CRADD: variants seen among roughly 807,000 people sequenced by gnomAD.
CRADD encodes CARD and death domain containing adaptor protein.
In CRADD, 9 loss-of-function variants were observed where a neutral mutation model predicts 15.5. The ratio of observed to expected loss-of-function variants is 0.58; its 90% CI spans 0.35 to 1.01. The LOEUF is 1.01. Ranked by LOEUF, CRADD falls within the 50% of genes least tolerant of loss-of-function variation. The pLI is 0.02. For synonymous variants in CRADD, 118 were observed against 107.6 expected (o/e 1.10, Z -0.60); for missense variants, 227 against 250.3 (o/e 0.91, Z 0.63).
chr12:93,725,825 G>A (rs939160434), intron 2 of CRADD, among the ~76,000 whole-genome samples: 3 of 152,096 alleles, frequency 2.0e-5, no homozygotes, highest in African/African-American at 7.2e-5. Context: ...TTCATTGTTG[G>A]GGTTTATATA....
chr12:93,834,491 GT>G (rs1463365710), intron 2 of CRADD, among the ~76,000 whole-genome samples: 1 of 151,928 alleles, frequency 6.6e-6, no homozygotes, highest in South Asian at 2.1e-4. Flanking sequence ...AATTAGTTTG[GT>G]TTTTTTCTTT....
intron 2 of CRADD, among the ~76,000 whole-genome samples, chr12:93,787,128 A>ATTTT (rs11315592): frequency 9.3e-6 from 1 of 107,734 alleles, no homozygotes; most frequent in Non-Finnish European, 1.8e-5. Context: ...TCTGCTGAAG[A>ATTTT]TTTTTTTTTT....
rs546007667 is a variant in CRADD at position 93,726,925 on chromosome 12, C to T, written c.298+47853C>T. 3.3e-5 allele frequency among the ~76,000 whole-genome samples: 5 copies of T among 152,306 alleles called. No individual in the cohort carries two copies. In the South Asian group the frequency reaches 6.2e-4, roughly 19 times the overall value. On this transcript the variant is annotated intron_variant, in intron 2 of 2. Coordinates refer to ENST00000332896, the MANE Select transcript of CRADD (RefSeq NM_003805.5). ...CCGTCTCAGTTTCACGATAACAAGA[C>T]GAAGCAGGAACCTTGAAATTGCTCC...
intron 2 of CRADD, among the ~76,000 whole-genome samples, chr12:93,822,040 C>T (rs548388603): frequency 1.1e-3 from 166 of 151,748 alleles, no homozygotes; most frequent in African/African-American, 3.9e-3. Context: ...ATTGCTTGAG[C>T]CTGGGAGGCA....
At chr12:93,789,346 G>A (rs979183538) in intron 2 of CRADD, among the ~76,000 whole-genome samples, 1 of 152,148 alleles carries the variant, frequency 6.6e-6, no homozygotes, top group Non-Finnish European at 1.5e-5. Flanking sequence ...TGTGCATGCA[G>A]CCTTGACATA....
At chr12:93,730,165 A>G (rs577301497) in intron 2 of CRADD, among the ~76,000 whole-genome samples, 16 of 152,360 alleles carry the variant, frequency 1.1e-4, no homozygotes, top group African/African-American at 3.8e-4. Flanking sequence ...ACATTGTGCA[A>G]TGAGGACAGT....
At chr12:93,834,538 G>C (rs1957952835) in intron 2 of CRADD, among the ~76,000 whole-genome samples, 1 of 152,088 alleles carries the variant, frequency 6.6e-6, no homozygotes, top group African/African-American at 2.4e-5. Context: ...ACCCAGGCTG[G>C]ACTGCAGTGG....
chr12:93,688,445 A>G (rs34906549), intron 2 of CRADD, among the ~76,000 whole-genome samples: 38,678 of 151,216 alleles, frequency 0.26, 5,388 homozygotes, highest in East Asian at 0.41. Context: ...AGAGGTTGCA[A>G]TGAGTCGAGA....
chr12:93,894,293 G>A (rs1958597501), exon 3 of CRADD: 1 of 604,914 alleles, frequency 1.7e-6, no homozygotes, highest in Non-Finnish European at 3.0e-6. Flanking sequence ...AGGGGATTAT[G>A]TTGGCATCTA....
At chr12:93,863,437 T>G (rs747020283) in intron 2 of CRADD, among the ~76,000 whole-genome samples, 3 of 152,196 alleles carry the variant, frequency 2.0e-5, no homozygotes, top group Non-Finnish European at 4.4e-5. Flanking sequence ...TTATCTTCCC[T>G]TCATTCTACT....
chr12:93,892,546 G>C (rs1310699137), intron 2 of CRADD, among the ~76,000 whole-genome samples: 1 of 151,800 alleles, frequency 6.6e-6, no homozygotes, highest in Admixed American at 6.6e-5. Context: ...TGTTTGGTTC[G>C]GAGTGTCACT....
At chr12:93,713,528 G>A (rs537666489) in intron 2 of CRADD, among the ~76,000 whole-genome samples, 6 of 151,930 alleles carry the variant, frequency 3.9e-5, no homozygotes, top group Non-Finnish European at 8.8e-5. Flanking sequence ...ACAGCCTCCT[G>A]TATACTTTAA....
rs778400680 is a variant in CRADD at position 93,850,277 on chromosome 12, C to A, written c.*6C>A. On this transcript the variant is annotated 3_prime_UTR_variant, in exon 3 of 3. Coordinates refer to ENST00000332896, the MANE Select transcript of CRADD (RefSeq NM_003805.5). This position sits in a 1 kb window ranked among gnomAD's most constrained non-coding sequence, Gnocchi z 4.0. ...TCCTGCACATGTTGGAGTGATGGTG[C>A]CTCCAGCAACCGCTGGGGAGTGTGT... The A allele has an allele frequency of 1.3e-6, 2 of 1,583,920 alleles. No homozygotes were observed. Among genetic ancestry groups the A allele is most frequent in the East Asian group, 2.3e-5 (1 of 44,344 alleles).
At chr12:93,778,253 A>T (rs1253055545) in intron 2 of CRADD, among the ~76,000 whole-genome samples, 2 of 152,180 alleles carry the variant, frequency 1.3e-5, no homozygotes, top group African/African-American at 4.8e-5. Context: ...CCCACTTTTA[A>T]ACCTTTCCAA....
intron 2 of CRADD, among the ~76,000 whole-genome samples, chr12:93,842,697 A>G (rs1252398297): frequency 1.3e-5 from 2 of 151,600 alleles, no homozygotes; most frequent in African/African-American, 4.8e-5. Context: ...ATTGATAGGC[A>G]TGGCTGAGGG....
intron 2 of CRADD, among the ~76,000 whole-genome samples, chr12:93,691,050 T>C (rs1443899369): frequency 6.6e-6 from 1 of 152,174 alleles, no homozygotes; most frequent in East Asian, 1.9e-4. Flanking sequence ...TTTTTGTTCA[T>C]TTAGTTTTTA....
At chr12:93,802,977 A>G (rs891947921) in intron 2 of CRADD, among the ~76,000 whole-genome samples, 15 of 152,168 alleles carry the variant, frequency 9.9e-5, no homozygotes, top group African/African-American at 3.6e-4. Context: ...TTTGCCCCCA[A>G]TGCCAGTTTT....
intron 2 of CRADD, among the ~76,000 whole-genome samples, chr12:93,835,884 G>A (rs1439735870): frequency 6.6e-6 from 1 of 152,082 alleles, no homozygotes; most frequent in African/African-American, 2.4e-5. Context: ...ATCCACTGGG[G>A]TGATTTCTCC....
chr12:93,692,178 G>C (rs1955589877), intron 2 of CRADD, among the ~76,000 whole-genome samples: 1 of 152,146 alleles, frequency 6.6e-6, no homozygotes, highest in Admixed American at 6.5e-5. Flanking sequence ...TAAAATTACA[G>C]TTGGAGGAGA....
Sources: gnomAD v4.1 joint callset for allele counts (sites outside exome capture counted in the v4.1 genomes callset) on GRCh38, gnomAD v4.1.1 for gene constraint, Gnocchi (gnomAD v3.1) non-coding constraint, MANE v1.5 for transcripts, NCBI Gene and HGNC (gene_info 2026-07-23, HGNC 2026-07-21) for gene names.